The following SLC44A5 variants were observed in gnomAD, a reference collection of about 807,000 sequenced individuals.
SLC44A5 encodes the protein choline transporter-like protein 5.
In SLC44A5, 57 loss-of-function variants were observed where a neutral mutation model predicts 101.8. The observed-to-expected ratio is 0.56, with a 90% CI of 0.45 to 0.70. The LOEUF (loss-of-function observed/expected upper bound fraction) is 0.70, where lower values mean the gene tolerates loss of function less well. SLC44A5 is among the 30% of genes least tolerant of loss of function. The pLI is 0.00. For missense variants in SLC44A5, 737 were observed against 853.1 expected, an observed-to-expected ratio of 0.86 and a Z score of 1.70; for synonymous variants, 281 against 290.9, an observed-to-expected ratio of 0.97 and a Z score of 0.35.
chr1:75,386,862 A>G (rs1173764041), intron 3 of SLC44A5, among the ~76,000 whole-genome samples: 2 of 152,136 alleles, frequency 1.3e-5, no homozygotes, highest in African/African-American at 4.8e-5. Context: ...CAAAACAGAG[A>G]TATAGATCAA....
chr1:75,219,780 G>A lies in SLC44A5; in HGVS notation c.1178+20C>T, dbSNP rs1463231181. The A allele has an allele frequency of 6.5e-7, 1 of 1,546,608 alleles. No homozygotes were observed. The highest frequency in any genetic ancestry group is 8.9e-7 in the Non-Finnish European group (1 of 1,122,320). On this transcript the variant is annotated intron_variant, in intron 15 of 23. Transcript: ENST00000370859. Reference sequence around the variant, plus strand: ...GTCATGTGAACCTGAGGTTTAAAGAGGCCAATTACCAAAGGATACACTGCT... The same window carrying A: ...GTCATGTGAACCTGAGGTTTAAAGAAGCCAATTACCAAAGGATACACTGCT...
At chr1:75,483,277 T>C (rs1334483411) in intron 2 of SLC44A5, among the ~76,000 whole-genome samples, 1 of 152,220 alleles carries the variant, frequency 6.6e-6, no homozygotes, top group East Asian at 1.9e-4. Flanking sequence ...TGAGCAAAGC[T>C]TTGTTTTAAA....
intron 2 of SLC44A5, among the ~76,000 whole-genome samples, chr1:75,495,370 G>A: frequency 6.6e-6 from 1 of 151,942 alleles, no homozygotes; most frequent in East Asian, 1.9e-4. Flanking sequence ...CAGGAGAATG[G>A]CGTGAACCCA....
intron 2 of SLC44A5, among the ~76,000 whole-genome samples, chr1:75,445,793 C>G (rs1002480442): frequency 6.6e-6 from 1 of 152,062 alleles, no homozygotes; most frequent in Non-Finnish European, 1.5e-5. Context: ...GGCATCTATG[C>G]TTGGATAGCT....
chr1:75,517,625 G>A (rs1400500434), intron 2 of SLC44A5, among the ~76,000 whole-genome samples: 1 of 152,144 alleles, frequency 6.6e-6, no homozygotes, highest in Non-Finnish European at 1.5e-5. Context: ...AATAAGATCT[G>A]ACTGCATGCA....
At chr1:75,290,003 T>C (rs1316544816) in intron 5 of SLC44A5, among the ~76,000 whole-genome samples, 2 of 152,202 alleles carry the variant, frequency 1.3e-5, no homozygotes, top group Non-Finnish European at 2.9e-5. Context: ...GTAGAGGTAG[T>C]TTTCAATAAT....
chr1:75,391,240 G>A (rs781285991), intron 3 of SLC44A5, among the ~76,000 whole-genome samples: 1 of 152,056 alleles, frequency 6.6e-6, no homozygotes, highest in Non-Finnish European at 1.5e-5. Context: ...CTTGCACATA[G>A]ATTGGAAGAA....
chr1:75,416,827 T>C (rs1378851033), intron 2 of SLC44A5, among the ~76,000 whole-genome samples: 1 of 152,236 alleles, frequency 6.6e-6, no homozygotes, highest in African/African-American at 2.4e-5. Context: ...ATGGGGCCTG[T>C]AGCCCCTTTG....
At chr1:75,714,044 T>C in the SLC44A5 span, among the ~76,000 whole-genome samples, 2 of 151,902 alleles carry the variant, frequency 1.3e-5, no homozygotes, top group African/African-American at 2.4e-5. Context: ...TTAAGCCTCC[T>C]GCCTTGGCCT....
At chr1:75,681,721 C>T in the SLC44A5 span, among the ~76,000 whole-genome samples, 3 of 149,074 alleles carry the variant, frequency 2.0e-5, no homozygotes. Context: ...CCTCTCTCAC[C>T]ACTCCTATTC....
intron 6 of SLC44A5, among the ~76,000 whole-genome samples, chr1:75,255,015 G>A (rs1051097979): frequency 7.9e-5 from 12 of 152,144 alleles, no homozygotes; most frequent in Admixed American, 3.3e-4. Context: ...GGTTGCACAA[G>A]CTTGTTCTAT....
At chr1:75,302,229 C>A (rs1181468243) in intron 4 of SLC44A5, among the ~76,000 whole-genome samples, 4 of 135,746 alleles carry the variant, frequency 2.9e-5, no homozygotes, top group Non-Finnish European at 6.1e-5. Flanking sequence ...ATATTAGATT[C>A]TCAGTCTGTC....
the SLC44A5 span, among the ~76,000 whole-genome samples, chr1:75,655,148 G>A: frequency 6.6e-6 from 1 of 152,142 alleles, no homozygotes; most frequent in African/African-American, 2.4e-5. Context: ...AAACTCAGAA[G>A]TTGGGGATTT....
chr1:75,516,535 T>TA (rs1279751017), intron 2 of SLC44A5, among the ~76,000 whole-genome samples: 2 of 151,652 alleles, frequency 1.3e-5, no homozygotes, highest in African/African-American at 4.8e-5. Flanking sequence ...AAATTAAAAA[T>TA]AAAAAAAATA....
chr1:75,430,425 G>C (rs1664550738), intron 2 of SLC44A5, among the ~76,000 whole-genome samples: 2 of 152,172 alleles, frequency 1.3e-5, no homozygotes, highest in Non-Finnish European at 2.9e-5. Context: ...GTGGTATTTT[G>C]TTATAGAAGC....
intron 12 of SLC44A5, among the ~76,000 whole-genome samples, chr1:75,230,911 C>T (rs1647497281): frequency 6.6e-6 from 1 of 152,186 alleles, no homozygotes. Flanking sequence ...CCACTGCAGC[C>T]AGCTACATGT....
At chr1:75,528,183 A>G (rs538842949) in intron 2 of SLC44A5, among the ~76,000 whole-genome samples, 1 of 152,248 alleles carries the variant, frequency 6.6e-6, no homozygotes, top group African/African-American at 2.4e-5. Flanking sequence ...TCCTGTTGTG[A>G]TGCCAAGATC....
intron 2 of SLC44A5, among the ~76,000 whole-genome samples, chr1:75,456,207 A>T (rs1044319863): frequency 6.6e-6 from 1 of 152,196 alleles, no homozygotes; most frequent in South Asian, 2.1e-4. Context: ...CTTTGCAGCA[A>T]CATGGAAGCA....
At chr1:75,602,531 T>C (rs775935980) in intron 1 of SLC44A5, among the ~76,000 whole-genome samples, 18 of 152,122 alleles carry the variant, frequency 1.2e-4, no homozygotes, top group Non-Finnish European at 1.9e-4. Context: ...CCTGGACACA[T>C]CTATTTATGA....
Sources: allele counts gnomAD v4.1 joint callset (sites outside exome capture counted in the v4.1 genomes callset), GRCh38; gene constraint gnomAD v4.1.1; transcripts MANE v1.5; gene names NCBI Gene and HGNC (gene_info 2026-07-23, HGNC 2026-07-21).